PRDX4: variants seen among roughly 807,000 people sequenced by gnomAD.
The protein encoded by PRDX4 is peroxiredoxin-4.
In PRDX4, 12 loss-of-function variants were observed where a neutral mutation model predicts 20.5. That is an observed-to-expected ratio of 0.58 (90% CI 0.37 to 0.95). The LOEUF is 0.95. Among genes scored for constraint, PRDX4 ranks in the 40% least tolerant of loss-of-function variants. PRDX4 has a pLI of 0.01. For missense variants in PRDX4, 180 were observed against 207.3 expected (o/e 0.87, Z 0.81); for synonymous variants, 99 against 87.5 (o/e 1.13, Z -0.73).
At chrX:23,678,377 C>T (rs1027535936) in intron 3 of PRDX4, among the ~76,000 whole-genome samples, 14 of 111,163 alleles carry the variant, frequency 1.3e-4, no homozygotes, top group South Asian at 7.5e-4. Flanking sequence ...CGCCTGTAAT[C>T]CCAGTACTTT....
chrX:23,679,280 A>C lies in PRDX4; in HGVS notation c.592A>C (p.Thr198Pro), dbSNP rs894300786. 6.7e-6 allele frequency: 8 copies of C among 1,196,088 alleles called. No homozygotes were observed. Among genetic ancestry groups the C allele is most frequent in the Non-Finnish European group, 7.9e-6 (7 of 888,559 alleles). The change falls in exon 4 of 7, where the codon ACT becomes CCT. Residue 198 changes from threonine (T) to proline (P), a missense_variant. Coordinates refer to ENST00000379341, the MANE Select transcript of PRDX4 (RefSeq NM_006406.2). ...YGVYLEDSGH[T>P]LRGLFIIDDK... ...TGTATACCTAGAGGACTCAGGCCAC[A>C]CTCTTAGGTACCTTTCAGTGGTTTT...
At chrX:23,676,560 G>T (rs1468534297) in intron 3 of PRDX4, among the ~76,000 whole-genome samples, 1 of 110,392 alleles carries the variant, frequency 9.1e-6, no homozygotes, top group Non-Finnish European at 1.9e-5. Flanking sequence ...GGAGGTCAAA[G>T]CAGGAGAATC....
At chrX:23,674,839 T>C (rs1247745402) in intron 2 of PRDX4, 151 bp from the exon 3 acceptor site, 1 of 759,726 alleles carries the variant, frequency 1.3e-6, no homozygotes, top group Non-Finnish European at 1.8e-6. Flanking sequence ...TGACAGTCTT[T>C]TAGACTACTC....
At chrX:23,675,289 TATA>T (rs1177457811) in intron 3 of PRDX4, 183 bp downstream of exon 3, 1 of 882,220 alleles carries the variant, frequency 1.1e-6, no homozygotes, top group African/African-American at 2.0e-5. Context: ...AGAAGAGTAA[TATA>T]ATCAGCTGCT....
intron 3 of PRDX4, among the ~76,000 whole-genome samples, chrX:23,676,816 T>C (rs1489610148): frequency 3.7e-5 from 4 of 107,671 alleles, no homozygotes; most frequent in African/African-American, 1.4e-4. Flanking sequence ...AATTAAAATA[T>C]AGGCTTAATT....
At chrX:23,669,897 A>G (rs1039408443) in intron 1 of PRDX4, among the ~76,000 whole-genome samples, 2 of 105,283 alleles carry the variant, frequency 1.9e-5, no homozygotes, top group African/African-American at 7.0e-5. Context: ...AGCCTGGGCG[A>G]CAGACTGAGA....
intron 2 of PRDX4, among the ~76,000 whole-genome samples, chrX:23,674,526 C>A (rs1328678692): frequency 1.8e-5 from 2 of 109,306 alleles, no homozygotes; most frequent in Admixed American, 2.0e-4. Flanking sequence ...GGTGGGGGTA[C>A]TGGAAAACAT....
At chrX:23,676,791 CAAAA>C (rs10585666) in intron 3 of PRDX4, among the ~76,000 whole-genome samples, 3 of 87,830 alleles carry the variant, frequency 3.4e-5, no homozygotes. Flanking sequence ...GATCCTGTCT[CAAAA>C]AAAAAAAAAA....
chrX:23,676,136 CAAAAAAAAAAAAAAAAAAA>C (rs55792240), intron 3 of PRDX4, among the ~76,000 whole-genome samples: 2 of 54,999 alleles, frequency 3.6e-5, no homozygotes, highest in Admixed American at 2.4e-4. Context: ...AACTCCATCT[CAAAAAAAAAAAAAAAAAAA>C]AAAAAAAAAA....
Position 23,677,019 on chromosome X carries a change from G to C in PRDX4, c.476+1913G>C, listed in dbSNP as rs142172309. Among the ~76,000 whole-genome samples the C allele has an allele frequency of 3.5e-3, 388 of 110,668 alleles. 2 individuals are homozygous for C. Among genetic ancestry groups the C allele is most frequent in the African/African-American group, 0.012 (352 of 30,506 alleles). ...CTATTTTAATTTTTATTTTTGTAGA[G>C]ATGGAGTCTTGCCATGTTGCCCGGG... is the stretch of plus-strand genomic sequence containing the variant. On this transcript the variant is annotated intron_variant, in intron 3 of 6. Coordinates refer to ENST00000379341, the MANE Select transcript of PRDX4 (RefSeq NM_006406.2).
chrX:23,672,460 C>A (rs776987865), intron 2 of PRDX4, among the ~76,000 whole-genome samples: 104 of 111,500 alleles, frequency 9.3e-4, no homozygotes, highest in African/African-American at 3.3e-3. Flanking sequence ...CTTTTTTTAA[C>A]TCTGTGACAG....
At chrX:23,670,171 A>G (rs752317316) in intron 1 of PRDX4, among the ~76,000 whole-genome samples, 1 of 111,887 alleles carries the variant, frequency 8.9e-6, no homozygotes, top group Non-Finnish European at 1.9e-5. Flanking sequence ...ACCATTCTTA[A>G]CCAAATATTT....
At chrX:23,677,712 G>GT (rs774224092) in intron 3 of PRDX4, among the ~76,000 whole-genome samples, 1 of 111,345 alleles carries the variant, frequency 9.0e-6, no homozygotes, top group African/African-American at 3.3e-5. Flanking sequence ...TTGATACTAC[G>GT]TATCTTTTGA....
chrX:23,684,047 C>CAAAAAAA (rs3063544), intron 6 of PRDX4, among the ~76,000 whole-genome samples: 9 of 58,194 alleles, frequency 1.5e-4, no homozygotes, highest in African/African-American at 2.7e-4. Flanking sequence ...GACTCCTTCT[C>CAAAAAAA]AAAAAAAAAA....
chrX:23,667,546 G>T lies in PRDX4; in HGVS notation c.-25G>T. ...GGCAGAAGCGGCGCTCGCGCCAAGG[G>T]ACGTGTTTCTGCGCTCGCGTGGTCA... On this transcript the variant is annotated 5_prime_UTR_variant, in exon 1 of 7. Transcript: ENST00000379341. 1 of 1,169,211 alleles carries T rather than the reference G, an allele frequency of 8.6e-7. No individual in the cohort carries two copies. Among genetic ancestry groups the T allele is most frequent in the Non-Finnish European group, 1.1e-6 (1 of 875,035 alleles).
At chrX:23,679,425 C>T (rs762722244) in intron 4 of PRDX4, 138 bp downstream of exon 4, 1,337 of 734,608 alleles carry the variant, frequency 1.8e-3, no homozygotes, top group Non-Finnish European at 2.3e-3. Context: ...TAGCTCAAGC[C>T]TGTAATCCTG....
intron 2 of PRDX4, among the ~76,000 whole-genome samples, chrX:23,673,586 C>G (rs776253238): frequency 8.1e-5 from 9 of 111,180 alleles, no homozygotes; most frequent in Non-Finnish European, 1.7e-4. Flanking sequence ...AACCCCGTCT[C>G]TACTGAAAAT....
At chrX:23,683,559 G>A (rs1252257291) in intron 5 of PRDX4, 112 bp from the exon 6 acceptor site, 5 of 706,375 alleles carry the variant, frequency 7.1e-6, no homozygotes, top group Non-Finnish European at 1.1e-5. Flanking sequence ...GTCTGGAAAT[G>A]TTCTTATTAG....
chrX:23,673,856 A>T (rs1193586975), intron 2 of PRDX4, among the ~76,000 whole-genome samples: 5 of 110,137 alleles, frequency 4.5e-5, no homozygotes, highest in Non-Finnish European at 7.6e-5. Context: ...ATCATCCGAG[A>T]TTAGAACTGT....
Sources: gnomAD v4.1 joint callset for allele counts (sites outside exome capture counted in the v4.1 genomes callset) on GRCh38, gnomAD v4.1.1 for gene constraint, MANE v1.5 for transcripts, NCBI Gene and HGNC (gene_info 2026-07-23, HGNC 2026-07-21) for gene names.